The following JPH3 variants were observed in gnomAD, a reference collection of about 807,000 sequenced individuals.
The protein encoded by JPH3 is junctophilin-3.
Under a neutral mutation model 59.6 loss-of-function variants are expected in JPH3, and 11 were observed. The ratio of observed to expected loss-of-function variants is 0.18; its 90% CI spans 0.12 to 0.31. The LOEUF (loss-of-function observed/expected upper bound fraction) is 0.31, where lower values mean the gene tolerates loss of function less well. Among genes scored for constraint, JPH3 ranks in the 10% least tolerant of loss-of-function variants. The pLI, the probability that JPH3 is intolerant of heterozygous loss-of-function variation, is 1.00. For synonymous variants in JPH3, 673 were observed against 483.6 expected, an observed-to-expected ratio of 1.39 and a Z score of -5.14; for missense variants, 1,202 against 1,105.7, an observed-to-expected ratio of 1.09 and a Z score of -1.24.
At chr16:87,691,722 G>C (rs968489395) in intron 4 of JPH3, among the ~76,000 whole-genome samples, 1 of 152,144 alleles carries the variant, frequency 6.6e-6, no homozygotes, top group Non-Finnish European at 1.5e-5. Flanking sequence ...GTCCTGTTGG[G>C]TTCCTAAGAT....
intron 1 of JPH3, among the ~76,000 whole-genome samples, chr16:87,626,697 C>T (rs560406177): frequency 6.6e-6 from 1 of 152,384 alleles, no homozygotes; most frequent in East Asian, 1.9e-4. Context: ...AACCCTGACC[C>T]TTGGGAAGGT....
At chr16:87,664,146 A>C (rs1346715637) in intron 2 of JPH3, among the ~76,000 whole-genome samples, 1 of 151,704 alleles carries the variant, frequency 6.6e-6, no homozygotes, top group Non-Finnish European at 1.5e-5. Flanking sequence ...CCTGGCTAAC[A>C]CGGTGAAACC....
chr16:87,681,607 A>C lies in JPH3; in HGVS notation c.1161-2535A>C, dbSNP rs1260504835. Among the ~76,000 whole-genome samples the C allele has an allele frequency of 4.8e-5, 7 of 144,618 alleles. No individual in the cohort carries two copies. In the East Asian group the frequency reaches 1.5e-3, roughly 30 times the overall value. 94.9% of individuals were successfully genotyped at this position (144,618 alleles called of 152,430 possible). A position where few individuals can be genotyped will look rare whatever the true frequency, so the allele number is the denominator to read the frequency against. On this transcript the variant is annotated intron_variant, in intron 2 of 4. Transcript: ENST00000284262. ...GAGGTCAGGTGCGCGCGGTGATGAC[A>C]GTGCCGGGAGGTCAGGTGCGCGCGG...
chr16:87,620,760 A>G (rs569910930), intron 1 of JPH3, among the ~76,000 whole-genome samples: 65 of 152,294 alleles, frequency 4.3e-4, no homozygotes, highest in Non-Finnish European at 8.2e-4. Context: ...AAATTTCCCA[A>G]GGCCACACGG....
At chr16:87,634,969 G>A (rs57633818) in intron 1 of JPH3, among the ~76,000 whole-genome samples, 3,443 of 152,322 alleles carry the variant, frequency 0.023, 135 homozygotes, top group African/African-American at 0.078. Context: ...CTGAGCTCCC[G>A]GGGTAGTGTG....
intron 2 of JPH3, among the ~76,000 whole-genome samples, chr16:87,667,584 C>A (rs1440000587): frequency 1.3e-5 from 2 of 152,176 alleles, no homozygotes; most frequent in Non-Finnish European, 2.9e-5. Flanking sequence ...ACAGGCAGGG[C>A]CTGGCATTGG....
intron 1 of JPH3, among the ~76,000 whole-genome samples, chr16:87,637,492 G>A (rs1443122763): frequency 1.3e-5 from 2 of 152,212 alleles, no homozygotes; most frequent in Non-Finnish European, 1.5e-5. Context: ...TTGCGCCGGT[G>A]TTGGGCCTGA....
chr16:87,660,962 G>A (rs1389006144), intron 2 of JPH3, among the ~76,000 whole-genome samples: 1 of 152,216 alleles, frequency 6.6e-6, no homozygotes, highest in Non-Finnish European at 1.5e-5. Context: ...TGAAATGACT[G>A]GGATCAGAAG....
chr16:87,616,334 C>CG (rs2150826037), intron 1 of JPH3, among the ~76,000 whole-genome samples: 1 of 151,000 alleles, frequency 6.6e-6, no homozygotes, highest in African/African-American at 2.4e-5. Context: ...CCTGGGTTCA[C>CG]GCCGTTCTCC....
intron 4 of JPH3, chr16:87,695,462 G>A (rs1393717193): frequency 2.2e-6 from 1 of 456,002 alleles, no homozygotes; most frequent in African/African-American, 2.0e-5. Flanking sequence ...GGCTCCGGGG[G>A]CTCTGAACAG....
chr16:87,626,070 C>CG (rs1215340698), intron 1 of JPH3, among the ~76,000 whole-genome samples: 7 of 152,044 alleles, frequency 4.6e-5, no homozygotes, highest in Admixed American at 3.3e-4. Context: ...TTACTGCTAT[C>CG]GGGGGTGTTT....
In JPH3 at chr16:87,603,125, G is replaced by A; in HGVS notation, c.-22G>A. The stretch of plus-strand genomic sequence containing the variant: ...CTGAGTCCGTTTTCACCGTTTGCGG[G>A]ATCTGGAACCGAGTTACATGCATGT... On this transcript the variant is annotated 5_prime_UTR_variant, in exon 1 of 5. Transcript: ENST00000284262. 1 of 1,613,826 alleles carries A rather than the reference G, an allele frequency of 6.2e-7. No individual in the cohort carries two copies. Among genetic ancestry groups the A allele is most frequent in the Non-Finnish European group, 8.5e-7 (1 of 1,179,866 alleles).
At position 87,660,113 on chromosome 16, in the gene JPH3, T is replaced by C. The variant is rs540075192; in HGVS notation, c.1160+15078T>C. On this transcript the variant is annotated intron_variant, in intron 2 of 4. Coordinates refer to ENST00000284262, the MANE Select transcript of JPH3 (RefSeq NM_020655.4). ...CTCCCTGTGCCTCAGTTTCCTCATCTGTAAAGGGGAGCTGAGGACAGGACC... is the reference window on the plus strand; with the variant it reads ...CTCCCTGTGCCTCAGTTTCCTCATCCGTAAAGGGGAGCTGAGGACAGGACC... Among the ~76,000 whole-genome samples, 22 of 152,180 alleles carry C rather than the reference T, an allele frequency of 1.4e-4. No individual in the cohort carries two copies. In the South Asian group the frequency reaches 4.4e-3, roughly 30 times the overall value.
chr16:87,617,387 C>T (rs1222909023), intron 1 of JPH3, among the ~76,000 whole-genome samples: 2 of 143,036 alleles, frequency 1.4e-5, no homozygotes, highest in Non-Finnish European at 3.2e-5. Context: ...TAAAAAGCTG[C>T]TGCCAACTCT....
intron 1 of JPH3, among the ~76,000 whole-genome samples, chr16:87,614,269 C>G (rs527965991): frequency 1.3e-5 from 2 of 149,332 alleles, no homozygotes; most frequent in East Asian, 4.1e-4. Context: ...AGGATAAACA[C>G]AGGTCCCTGT....
chr16:87,604,244 C>T (rs1311109698), intron 1 of JPH3: 29 of 1,450,748 alleles, frequency 2.0e-5, no homozygotes, highest in Non-Finnish European at 2.5e-5. Context: ...TCTAAGATGC[C>T]ACCGCATTCG....
chr16:87,696,040 G>C, intron 4 of JPH3: 2 of 456,200 alleles, frequency 4.4e-6, no homozygotes, highest in South Asian at 1.5e-5. Context: ...GGCGTGAGGG[G>C]TTTGTTGAGG....
At chr16:87,605,616 C>T (rs890010859) in intron 1 of JPH3, among the ~76,000 whole-genome samples, 9 of 152,198 alleles carry the variant, frequency 5.9e-5, no homozygotes, top group Admixed American at 1.3e-4. Flanking sequence ...AGGTCCACTT[C>T]CCTGGGCTCT....
chr16:87,609,672 G>A (rs898210689), intron 1 of JPH3, among the ~76,000 whole-genome samples: 1 of 152,196 alleles, frequency 6.6e-6, no homozygotes, highest in African/African-American at 2.4e-5. Flanking sequence ...GGGGTCATAG[G>A]TGCACAGCCG....
Sources: allele counts gnomAD v4.1 joint callset (sites outside exome capture counted in the v4.1 genomes callset), GRCh38; gene constraint gnomAD v4.1.1; transcripts MANE v1.5; gene names NCBI Gene and HGNC (gene_info 2026-07-23, HGNC 2026-07-21).